The following PRKAG2 variants were observed in gnomAD, a reference collection of about 807,000 sequenced individuals.
PRKAG2 encodes the protein protein kinase AMP-activated non-catalytic subunit gamma 2.
In PRKAG2, 26 loss-of-function variants were observed where a neutral mutation model predicts 69.6. The ratio of observed to expected loss-of-function variants is 0.37; its 90% CI spans 0.27 to 0.52. The LOEUF is 0.52. Ranked by LOEUF, PRKAG2 falls within the 20% of genes least tolerant of loss-of-function variation. PRKAG2 has a pLI of 0.90. For synonymous variants in PRKAG2, 293 were observed against 285.0 expected (o/e 1.03, Z -0.28); for missense variants, 557 against 740.0 (o/e 0.75, Z 2.87).
At chr7:151,794,477 G>A (rs1436807672) in intron 1 of PRKAG2, among the ~76,000 whole-genome samples, 1 of 152,254 alleles carries the variant, frequency 6.6e-6, no homozygotes, top group Admixed American at 6.5e-5. Flanking sequence ...GTCATCAAAG[G>A]CCCTTCCCGC....
chr7:151,658,961 T>C (rs185308771), intron 4 of PRKAG2, among the ~76,000 whole-genome samples: 125 of 152,300 alleles, frequency 8.2e-4, no homozygotes, highest in Non-Finnish European at 1.6e-3. Context: ...GAATGCAATA[T>C]AATGGATGGG....
chr7:151,600,035 A>G (rs77414084), intron 5 of PRKAG2, among the ~76,000 whole-genome samples: 69 of 152,244 alleles, frequency 4.5e-4, no homozygotes, highest in East Asian at 4.3e-3. Context: ...GAACTCCTTC[A>G]TTAGACCTTG....
In PRKAG2 at chr7:151,630,252, G is replaced by A. The variant is rs549540146; in HGVS notation, c.754+1817C>T. Among the ~76,000 whole-genome samples, 59 of 152,300 alleles carry A rather than the reference G, an allele frequency of 3.9e-4. 1 individual carries two copies. The South Asian group carries it at 6.2e-3, about 16-fold the overall frequency. On this transcript the variant is annotated intron_variant, in intron 5 of 15. Coordinates refer to ENST00000287878, the MANE Select transcript of PRKAG2 (RefSeq NM_016203.4). ...AAAAGAAAAAAAAGAGTGTATATCT[G>A]CTTAGAGAAATGCATAATTAAATTA...
At chr7:151,736,173 G>A (rs1003578376) in intron 3 of PRKAG2, 4 of 1,430,414 alleles carry the variant, frequency 2.8e-6, no homozygotes, top group Admixed American at 2.8e-5. Context: ...CCTCACCAGG[G>A]GGTCTTCAGG....
chr7:151,814,288 AACAAAGCC>A lies in PRKAG2; in HGVS notation c.115-27755_115-27748del, dbSNP rs2078568879. Reference sequence around the variant, plus strand: ...CTGATTTAATAAGAGGCTCTTGGAGAACAAAGCCACAATTCAGCATCAGTCTTACACAC... The same window carrying A: ...CTGATTTAATAAGAGGCTCTTGGAGAACAATTCAGCATCAGTCTTACACAC... On this transcript the variant is annotated intron_variant, in intron 1 of 15. Transcript: ENST00000287878. This position sits in a 1 kb window ranked among gnomAD's most constrained non-coding sequence, Gnocchi z 4.8. The A allele has an allele frequency of 3.4e-6, 2 of 585,938 alleles. No homozygotes were observed. Among genetic ancestry groups the A allele is most frequent in the Non-Finnish European group, 4.6e-6 (2 of 434,988 alleles). 36.3% of individuals were successfully genotyped at this position (585,938 alleles called of 1,614,324 possible). A position where few individuals can be genotyped will look rare whatever the true frequency, so the allele number is the denominator to read the frequency against.
chr7:151,748,765 TAAAATA>T (rs1472737208), intron 3 of PRKAG2, among the ~76,000 whole-genome samples: 1 of 152,100 alleles, frequency 6.6e-6, no homozygotes, highest in Non-Finnish European at 1.5e-5. Context: ...TGGCAAAAGC[TAAAATA>T]AAAATAAAAA....
At chr7:151,573,531 G>A (rs1162265261) in intron 8 of PRKAG2, among the ~76,000 whole-genome samples, 2 of 151,588 alleles carry the variant, frequency 1.3e-5, no homozygotes, top group Non-Finnish European at 2.9e-5. Flanking sequence ...AGACATAACT[G>A]CTTTTTTGCA....
chr7:151,745,499 G>A (rs932525313), intron 3 of PRKAG2, among the ~76,000 whole-genome samples: 14 of 152,120 alleles, frequency 9.2e-5, no homozygotes, highest in African/African-American at 1.4e-4. Context: ...TCTGTTCCAC[G>A]TCAGCCCGAC....
chr7:151,777,558 T>C lies in PRKAG2; in HGVS notation c.466+3594A>G, dbSNP rs2076439763. Among the ~76,000 whole-genome samples, 2 of 152,138 alleles carry C rather than the reference T, an allele frequency of 1.3e-5. No individual in the cohort carries two copies. The highest frequency in any genetic ancestry group is 6.5e-5 in the Admixed American group (1 of 15,274). On this transcript the variant is annotated intron_variant, in intron 3 of 15. Transcript: ENST00000287878. This position sits in a 1 kb window ranked among gnomAD's most constrained non-coding sequence, Gnocchi z 4.3. ...TGCTCCCTTGCGTGTGAGCTCTGCA[T>C]ACCCCGGCTTTCCTTCGCCTTCCTC...
At chr7:151,707,340 G>A (rs887449624) in intron 3 of PRKAG2, among the ~76,000 whole-genome samples, 1 of 152,196 alleles carries the variant, frequency 6.6e-6, no homozygotes, top group African/African-American at 2.4e-5. Context: ...AATGGAGTGT[G>A]GAGCAGGGTA....
intron 4 of PRKAG2, among the ~76,000 whole-genome samples, chr7:151,673,993 C>T (rs1282732776): frequency 1.3e-5 from 2 of 151,982 alleles, no homozygotes; most frequent in African/African-American, 2.4e-5. Context: ...AGGTGCCCAC[C>T]ACCACGCCAA....
At chr7:151,569,345 G>GT (rs1178041486) in intron 10 of PRKAG2, among the ~76,000 whole-genome samples, 4 of 152,242 alleles carry the variant, frequency 2.6e-5, no homozygotes, top group East Asian at 1.9e-4. Context: ...AGGAAGAGGA[G>GT]TTTTTTTAAA....
chr7:151,597,351 T>C (rs1178582007), intron 5 of PRKAG2, among the ~76,000 whole-genome samples: 3 of 152,216 alleles, frequency 2.0e-5, no homozygotes, highest in Non-Finnish European at 4.4e-5. Context: ...AAATGCTTCA[T>C]GACTTTGGTC....
chr7:151,608,949 A>C lies in PRKAG2; in HGVS notation c.755-13495T>G, dbSNP rs982041372. Among the ~76,000 whole-genome samples the C allele has an allele frequency of 1.3e-4, 19 of 151,874 alleles. No individual in the cohort carries two copies. The South Asian group carries it at 3.5e-3, about 28-fold the overall frequency. On this transcript the variant is annotated intron_variant, in intron 5 of 15. Transcript: ENST00000287878. The stretch of plus-strand genomic sequence containing the variant: ...ACTATGTTGCCCAGCCTGGCCTCAA[A>C]CTCCTTGGTTCAAGGGATTCTCCCA...
At chr7:151,625,120 A>C (rs947426985) in intron 5 of PRKAG2, among the ~76,000 whole-genome samples, 23 of 152,208 alleles carry the variant, frequency 1.5e-4, no homozygotes, top group African/African-American at 5.3e-4. Context: ...AACACAAAGA[A>C]GTGCGTCCCC....
intron 1 of PRKAG2, among the ~76,000 whole-genome samples, chr7:151,812,612 A>G (rs1044476106): frequency 1.3e-5 from 2 of 152,208 alleles, no homozygotes; most frequent in Admixed American, 1.3e-4. Flanking sequence ...TAAAGTGCTG[A>G]TGTTTAATTT....
At chr7:151,697,668 G>A (rs530736709) in intron 3 of PRKAG2, among the ~76,000 whole-genome samples, 2 of 152,112 alleles carry the variant, frequency 1.3e-5, no homozygotes, top group Non-Finnish European at 2.9e-5. Context: ...GCTGTGGGGG[G>A]CACAGAGAAT....
chr7:151,619,962 A>G (rs1280543356), intron 5 of PRKAG2, among the ~76,000 whole-genome samples: 2 of 152,362 alleles, frequency 1.3e-5, no homozygotes, highest in African/African-American at 4.8e-5. Context: ...CAGAGGTTGC[A>G]GTGAGCCGAG....
chr7:151,852,805 A>G (rs1175805723), intron 1 of PRKAG2, among the ~76,000 whole-genome samples: 1 of 152,098 alleles, frequency 6.6e-6, no homozygotes, highest in Non-Finnish European at 1.5e-5. Flanking sequence ...CACGAGAATT[A>G]GCTTAGATCT....
Sources: gnomAD v4.1 joint callset for allele counts (sites outside exome capture counted in the v4.1 genomes callset) on GRCh38, gnomAD v4.1.1 for gene constraint, Gnocchi (gnomAD v3.1) non-coding constraint, MANE v1.5 for transcripts, NCBI Gene and HGNC (gene_info 2026-07-23, HGNC 2026-07-21) for gene names.